The following SBF2 variants were observed in gnomAD, a reference collection of about 807,000 sequenced individuals.
SBF2 encodes the protein SET binding factor 2, also known as myotubularin-related protein 13.
A neutral mutation model predicts 225.2 loss-of-function variants in SBF2; 112 were observed. The observed-to-expected ratio is 0.50, with a 90% CI of 0.43 to 0.58. The LOEUF (loss-of-function observed/expected upper bound fraction) is 0.58. SBF2 is among the 20% of genes least tolerant of loss of function. The pLI is 0.00. For synonymous variants in SBF2, 763 were observed against 773.3 expected, an observed-to-expected ratio of 0.99 and a Z score of 0.22; for missense variants, 1,996 against 2,206.2, an observed-to-expected ratio of 0.90 and a Z score of 1.91.
intron 2 of SBF2, among the ~76,000 whole-genome samples, chr11:10,166,863 G>A (rs923392857): frequency 1.3e-5 from 2 of 152,032 alleles, no homozygotes; most frequent in Non-Finnish European, 1.5e-5. Flanking sequence ...TCAGGAGACT[G>A]AGGCGGGAGA....
intron 16 of SBF2, chr11:9,958,565 A>C (rs1005024144): frequency 5.3e-6 from 1 of 188,666 alleles, no homozygotes; most frequent in Non-Finnish European, 1.1e-5. Flanking sequence ...TCACCGTGTT[A>C]GCCAGGATGG....
chr11:10,069,510 T>A (rs928626986), intron 2 of SBF2, among the ~76,000 whole-genome samples: 1 of 152,202 alleles, frequency 6.6e-6, no homozygotes, highest in African/African-American at 2.4e-5. Flanking sequence ...TATGGCTGCA[T>A]AGTATTCTAT....
intron 17 of SBF2, among the ~76,000 whole-genome samples, chr11:9,868,337 CAAAAAAAAAAA>C (rs35348349): frequency 1.7e-3 from 45 of 26,380 alleles, no homozygotes; most frequent in African/African-American, 9.7e-3. Context: ...TACAAAAATA[CAAAAAAAAAAA>C]AAAAAAAAAA....
At chr11:10,180,462 T>C (rs1193162568) in intron 2 of SBF2, among the ~76,000 whole-genome samples, 2 of 152,098 alleles carry the variant, frequency 1.3e-5, no homozygotes, top group African/African-American at 4.8e-5. Context: ...CTCTATTGTA[T>C]GTTATTTCTT....
chr11:10,064,747 T>C (rs1441791956), intron 2 of SBF2, among the ~76,000 whole-genome samples: 1 of 152,180 alleles, frequency 6.6e-6, no homozygotes, highest in African/African-American at 2.4e-5. Context: ...TAAACATTTT[T>C]GTACATAATA....
intron 1 of SBF2, among the ~76,000 whole-genome samples, chr11:10,266,618 T>G (rs1962018063): frequency 6.6e-6 from 1 of 152,198 alleles, no homozygotes; most frequent in Non-Finnish European, 1.5e-5. Context: ...AGAATTTAAC[T>G]GAAAGCAAGG....
intron 2 of SBF2, among the ~76,000 whole-genome samples, chr11:10,130,717 G>A (rs1170980895): frequency 6.6e-6 from 1 of 152,014 alleles, no homozygotes; most frequent in African/African-American, 2.4e-5. Flanking sequence ...AAAATCCCAT[G>A]ACTACCATTA....
At chr11:10,015,799 T>C (rs1032325988) in intron 6 of SBF2, among the ~76,000 whole-genome samples, 4 of 152,022 alleles carry the variant, frequency 2.6e-5, no homozygotes, top group African/African-American at 9.7e-5. Flanking sequence ...GGGAAAAACT[T>C]GTCCCTCTTT....
chr11:9,948,742 C>T (rs1242347400), intron 16 of SBF2, among the ~76,000 whole-genome samples: 2 of 152,138 alleles, frequency 1.3e-5, no homozygotes, highest in African/African-American at 2.4e-5. Flanking sequence ...CCCACATTTC[C>T]AACTGTTATT....
chr11:10,212,237 T>C (rs894362818), intron 1 of SBF2, among the ~76,000 whole-genome samples: 13 of 152,226 alleles, frequency 8.5e-5, no homozygotes, highest in African/African-American at 2.9e-4. Context: ...TACGAATTCA[T>C]GGACTGTGAA....
intron 27 of SBF2, among the ~76,000 whole-genome samples, chr11:9,830,325 G>A (rs2133933373): frequency 6.6e-6 from 1 of 152,238 alleles, no homozygotes; most frequent in Middle Eastern, 3.4e-3. Context: ...TCAATTCTAA[G>A]ACGCACTGTT....
At chr11:9,975,833 T>G (rs1197375587) in intron 13 of SBF2, among the ~76,000 whole-genome samples, 1 of 152,170 alleles carries the variant, frequency 6.6e-6, no homozygotes, top group Non-Finnish European at 1.5e-5. Context: ...ATTCCTTTAT[T>G]CACAGTTGGC....
At chr11:9,828,153 T>A (rs1315577796) in intron 28 of SBF2, 1 of 1,289,604 alleles carries the variant, frequency 7.8e-7, no homozygotes, top group Admixed American at 2.3e-5. Context: ...TTGGATGGGT[T>A]TACATCCAAA....
At chr11:9,859,821 T>C (rs1025073314) in intron 17 of SBF2, among the ~76,000 whole-genome samples, 1 of 152,144 alleles carries the variant, frequency 6.6e-6, no homozygotes, top group Non-Finnish European at 1.5e-5. Context: ...AGAAGCTGGG[T>C]GGTTGTGATT....
intron 6 of SBF2, among the ~76,000 whole-genome samples, chr11:10,004,683 C>A (rs748193874): frequency 4.6e-5 from 7 of 151,714 alleles, no homozygotes; most frequent in Admixed American, 1.3e-4. Flanking sequence ...CAAAGTCATC[C>A]CTGTACTCCT....
At chr11:10,275,201 AAAAAAG>A (rs1591351530) in intron 1 of SBF2, among the ~76,000 whole-genome samples, 1 of 152,212 alleles carries the variant, frequency 6.6e-6, no homozygotes, top group African/African-American at 2.4e-5. Flanking sequence ...GAGAAGAGAA[AAAAAAG>A]AAAGAGAGAA....
intron 17 of SBF2, among the ~76,000 whole-genome samples, chr11:9,865,320 A>G (rs1858099885): frequency 6.6e-6 from 1 of 152,154 alleles, no homozygotes; most frequent in African/African-American, 2.4e-5. Flanking sequence ...CTCAGTATAA[A>G]TATTTACTGA....
At chr11:10,288,451 C>G (rs1049341328) in intron 1 of SBF2, among the ~76,000 whole-genome samples, 1 of 152,110 alleles carries the variant, frequency 6.6e-6, no homozygotes, top group African/African-American at 2.4e-5. Context: ...AGGCAGGTCA[C>G]CCCAGCAAGT....
At chr11:9,967,991 A>ATAT (rs71313477) in intron 14 of SBF2, among the ~76,000 whole-genome samples, 1 of 135,478 alleles carries the variant, frequency 7.4e-6, no homozygotes, top group Non-Finnish European at 1.6e-5. Context: ...ATATATATAT[A>ATAT]AAATATATAT....
Sources: gnomAD v4.1 joint callset for allele counts (sites outside exome capture counted in the v4.1 genomes callset) on GRCh38, gnomAD v4.1.1 for gene constraint, MANE v1.5 for transcripts, NCBI Gene and HGNC (gene_info 2026-07-23, HGNC 2026-07-21) for gene names.